The following CPA3 variants were observed in gnomAD, a reference collection of about 807,000 sequenced individuals.
CPA3 encodes the protein mast cell carboxypeptidase A.
CPA3 carries 52 observed loss-of-function variants against 55.8 expected under a neutral mutation model. The observed-to-expected ratio is 0.93, with a 90% CI of 0.75 to 1.17. The LOEUF (loss-of-function observed/expected upper bound fraction) is 1.17, where lower values mean the gene tolerates loss of function less well. CPA3 is among the 50% of genes most tolerant of loss of function. The pLI is 0.00. For synonymous variants in CPA3, 179 were observed against 171.2 expected (o/e 1.05, Z -0.36); for missense variants, 547 against 509.1 (o/e 1.07, Z -0.72).
intron 10 of CPA3, among the ~76,000 whole-genome samples, chr3:148,887,742 A>G (rs151184797): frequency 5.3e-5 from 8 of 152,326 alleles, no homozygotes; most frequent in African/African-American, 1.9e-4. Context: ...TAGTCTCAAA[A>G]TTTATACAAA....
chr3:148,877,203 T>C (rs1714231982), intron 3 of CPA3, among the ~76,000 whole-genome samples: 1 of 151,764 alleles, frequency 6.6e-6, no homozygotes. Context: ...GAGATGAAAA[T>C]AGGAAGATGA....
At position 148,869,147 on chromosome 3, in the gene CPA3, C is replaced by A. The variant is rs1016268839; in HGVS notation, c.269+108C>A. ...CTATTTTTAATTGGGCCCCCCAGAA[C>A]GAAAGCTCTTTCTGTAAGATACAGA... is the stretch of plus-strand genomic sequence containing the variant. On this transcript the variant is annotated intron_variant, in intron 3 of 10. Coordinates refer to ENST00000296046, the MANE Select transcript of CPA3 (RefSeq NM_001870.4). 1.3e-5 allele frequency: 16 copies of A among 1,248,946 alleles called. No individual in the cohort carries two copies. The Admixed American group carries it at 3.4e-4, about 27-fold the overall frequency. The allele number at this position is 1,248,946 out of a possible 1,614,324, so 77.4% of individuals were successfully genotyped here. A position where few individuals can be genotyped will look rare whatever the true frequency, so the allele number is the denominator to read the frequency against.
intron 2 of CPA3, among the ~76,000 whole-genome samples, chr3:148,867,157 C>T (rs987297672): frequency 6.6e-6 from 1 of 152,196 alleles, no homozygotes; most frequent in Non-Finnish European, 1.5e-5. Context: ...TCTTCCACAC[C>T]CTTCAAGCCC....
At chr3:148,891,791 G>A (rs1042828078) in intron 10 of CPA3, among the ~76,000 whole-genome samples, 1 of 151,980 alleles carries the variant, frequency 6.6e-6, no homozygotes, top group Non-Finnish European at 1.5e-5. Context: ...CAGTTTACTC[G>A]ACTGCAAATA....
chr3:148,891,802 G>C (rs1714677744), intron 10 of CPA3, among the ~76,000 whole-genome samples: 1 of 152,090 alleles, frequency 6.6e-6, no homozygotes, highest in Non-Finnish European at 1.5e-5. Context: ...ACTGCAAATA[G>C]AGAGCTACTG....
In CPA3 at chr3:148,868,916, T is replaced by C. The variant is rs752571237; in HGVS notation, c.146T>C (p.Leu49Pro). ...CTAACATTGAGCTTATCTCTGCAGCTTGACTTCTGGTATCCAGGTGCCACC... is the reference window on the plus strand; with the variant it reads ...CTAACATTGAGCTTATCTCTGCAGCCTGACTTCTGGTATCCAGGTGCCACC... The part of the protein sequence containing the change: ...IIKDLAKTNE[L>P]DFWYPGATHH... The change falls in exon 3 of 11, where the codon CTT becomes CCT. Residue 49 changes from leucine to proline, a missense_variant and splice_region_variant. By Grantham distance (98) the Leu-to-Pro change is moderately conservative (BLOSUM62 -3). Coordinates refer to ENST00000296046, the MANE Select transcript of CPA3 (RefSeq NM_001870.4). 1 of 1,613,546 alleles carries C rather than the reference T, an allele frequency of 6.2e-7. No individual in the cohort carries two copies. The highest frequency in any genetic ancestry group is 8.5e-7 in the Non-Finnish European group (1 of 1,179,866).
chr3:148,865,615 C>A, intron 2 of CPA3, 67 bp downstream of exon 2: 2 of 1,350,038 alleles, frequency 1.5e-6, no homozygotes, highest in Non-Finnish European at 2.1e-6. Context: ...TCTTATTTTA[C>A]TGTCAATGCC....
chr3:148,885,028 C>T (rs1479958360), intron 9 of CPA3, among the ~76,000 whole-genome samples: 2 of 152,054 alleles, frequency 1.3e-5, no homozygotes, highest in African/African-American at 4.8e-5. Flanking sequence ...AAAATTCATT[C>T]TGACAATCAC....
intron 3 of CPA3, among the ~76,000 whole-genome samples, chr3:148,871,963 G>A (rs988576244): frequency 1.1e-4 from 17 of 152,220 alleles, no homozygotes; most frequent in Non-Finnish European, 1.9e-4. Flanking sequence ...ACATCTGGTC[G>A]GACCCAGGCA....
At chr3:148,895,325 G>T (rs1229984714) in intron 10 of CPA3, among the ~76,000 whole-genome samples, 1 of 152,074 alleles carries the variant, frequency 6.6e-6, no homozygotes, top group Non-Finnish European at 1.5e-5. Flanking sequence ...AAACACACTA[G>T]CCTTTCTTCA....
chr3:148,872,335 T>A (rs1289224160), intron 3 of CPA3, among the ~76,000 whole-genome samples: 4 of 152,228 alleles, frequency 2.6e-5, no homozygotes. Flanking sequence ...GTTTTTAACA[T>A]TGTTCACATT....
chr3:148,887,468 A>G (rs1412887193), intron 10 of CPA3, among the ~76,000 whole-genome samples: 1 of 152,154 alleles, frequency 6.6e-6, no homozygotes, highest in Non-Finnish European at 1.5e-5. Context: ...CTGGAACTCA[A>G]TCTCAGATTT....
intron 5 of CPA3, 85 bp from the exon 6 acceptor site, chr3:148,879,703 T>C: frequency 1.1e-6 from 1 of 880,692 alleles, no homozygotes; most frequent in Admixed American, 1.8e-5. Context: ...AATAATTGCT[T>C]TGAGAATATG....
chr3:148,885,632 C>A (rs1294951332), intron 9 of CPA3, among the ~76,000 whole-genome samples: 2 of 151,842 alleles, frequency 1.3e-5, no homozygotes, highest in East Asian at 2.0e-4. Context: ...GGATGGTCTC[C>A]ATCTCCTGAC....
rs1012261339 is a variant in CPA3 at position 148,886,009 on chromosome 3, A to G, written c.982-84A>G. On this transcript the variant is annotated intron_variant, in intron 9 of 10. Coordinates refer to ENST00000296046, the MANE Select transcript of CPA3 (RefSeq NM_001870.4). ...TGCCTAACCTGTAAGACTCCATTAA[A>G]AAATTGCATACATACATAATTACAT... 6.5e-5 allele frequency: 62 copies of G among 947,496 alleles called. No individual in the cohort carries two copies. In the East Asian group the frequency reaches 1.4e-3, roughly 21 times the overall value. The allele number at this position is 947,496 out of a possible 1,614,324, so 58.7% of individuals were successfully genotyped here. A position where few individuals can be genotyped will look rare whatever the true frequency, so the allele number is the denominator to read the frequency against.
intron 5 of CPA3, among the ~76,000 whole-genome samples, chr3:148,879,489 C>T (rs1052333043): frequency 6.6e-6 from 1 of 152,118 alleles, no homozygotes; most frequent in African/African-American, 2.4e-5. Context: ...TCTCAGAACA[C>T]AGGATGTTAG....
In CPA3 at chr3:148,883,668, G is replaced by A. The variant is rs1714437597; in HGVS notation, c.834G>A (p.Glu278=). The change falls in exon 9 of 11, where the codon GAG becomes GAA. Residue 278 remains glutamate (E), a synonymous_variant. Coordinates refer to ENST00000296046, the MANE Select transcript of CPA3 (RefSeq NM_001870.4). ...CADNYRGSAP[E]SEKETKAVTN... Reference sequence around the variant, plus strand: ...ATAACTATCGGGGCTCTGCACCAGAGTCCGAGAAAGAGACGAAAGCTGTCA... The same window carrying A: ...ATAACTATCGGGGCTCTGCACCAGAATCCGAGAAAGAGACGAAAGCTGTCA... The A allele has an allele frequency of 1.2e-6, 2 of 1,613,964 alleles. No individual in the cohort carries two copies. The highest frequency in any genetic ancestry group is 2.2e-5 in the East Asian group (1 of 44,892).
chr3:148,892,204 C>G (rs1714690186), intron 10 of CPA3, among the ~76,000 whole-genome samples: 1 of 152,142 alleles, frequency 6.6e-6, no homozygotes, highest in African/African-American at 2.4e-5. Context: ...GTTCTCTCCT[C>G]AGGTCCCTCC....
At position 148,882,526 on chromosome 3, in the gene CPA3, C is replaced by T. The variant is rs199600994; in HGVS notation, c.709C>T (p.Arg237Cys). The T allele has an allele frequency of 2.9e-5, 47 of 1,613,508 alleles. No individual in the cohort carries two copies. The Admixed American group carries it at 5.3e-4, about 18-fold the overall frequency. ...GCAGAACCGCATGTGGAGAAAAAAT[C>T]GTTCCAAGAACCAAAACTCCAAATG... ...WTKNRMWRKN[R>C]SKNQNSKCIG... The change falls in exon 8 of 11, where the codon CGT (arginine) becomes TGT (cysteine). Residue 237 changes from arginine to cysteine, a missense_variant. By Grantham distance (180) the Arg-to-Cys change is radical (BLOSUM62 -3). Transcript: ENST00000296046.
Sources: allele counts gnomAD v4.1 joint callset (sites outside exome capture counted in the v4.1 genomes callset), GRCh38; gene constraint gnomAD v4.1.1; transcripts MANE v1.5; gene names NCBI Gene and HGNC (gene_info 2026-07-23, HGNC 2026-07-21).